PRPF38B: variants seen among roughly 807,000 people sequenced by gnomAD.
PRPF38B encodes pre-mRNA processing factor 38B, also known as pre-mRNA-splicing factor 38B.
Under a neutral mutation model 67.2 loss-of-function variants are expected in PRPF38B, and 18 were observed. The ratio of observed to expected loss-of-function variants is 0.27; its 90% CI spans 0.19 to 0.40. The LOEUF (loss-of-function observed/expected upper bound fraction) is 0.40. PRPF38B is among the 10% of genes least tolerant of loss of function. The probability of loss-of-function intolerance (pLI) is 1.00; values close to 1 mark genes in which losing one functional copy is unlikely to be tolerated. For synonymous variants in PRPF38B, 246 were observed against 234.2 expected (o/e 1.05, Z -0.46); for missense variants, 544 against 684.9 (o/e 0.79, Z 2.30).
In PRPF38B at chr1:108,695,707, G is replaced by C; in HGVS notation, c.282G>C (p.Thr94=). 6.2e-7 allele frequency: 1 copy of C among 1,613,820 alleles called. No individual in the cohort carries two copies. The highest frequency in any genetic ancestry group is 1.1e-5 in the South Asian group (1 of 91,066). ...EVVDEIYFKV[T]HVEPWEKGSR... is the part of the protein sequence containing the mutation. ...TTCCTCTTTTCTATTTTCAGGTCACGCACGTTGAACCATGGGAGAAAGGAA... is the reference window on the plus strand; with the variant it reads ...TTCCTCTTTTCTATTTTCAGGTCACCCACGTTGAACCATGGGAGAAAGGAA... The change falls in exon 2 of 6, where the codon ACG becomes ACC. Residue 94 remains threonine, a synonymous_variant. Transcript: ENST00000370025.
intron 1 of PRPF38B, chr1:108,693,716 G>C: frequency 1.1e-6 from 1 of 894,214 alleles, no homozygotes. Flanking sequence ...TTAGATTTTT[G>C]TGGGTTTTTT....
intron 1 of PRPF38B, 132 bp downstream of exon 1, chr1:108,692,999 G>C (rs952609970): frequency 8.5e-7 from 1 of 1,170,228 alleles, no homozygotes; most frequent in African/African-American, 1.6e-5. Flanking sequence ...GGGTGGCTGC[G>C]GCCTGTAGTG....
At chr1:108,695,850 A>G (rs544756593) in intron 2 of PRPF38B, 80 bp downstream of exon 2, 87 of 1,485,358 alleles carry the variant, frequency 5.9e-5, no homozygotes, top group South Asian at 3.0e-4. Context: ...AGGCCTGTCA[A>G]TTATACACTT....
At position 108,700,036 on chromosome 1, in the gene PRPF38B, G is replaced by A; in HGVS notation, c.*16G>A. 6.4e-7 allele frequency: 1 copy of A among 1,571,618 alleles called. No individual in the cohort carries two copies. On this transcript the variant is annotated 3_prime_UTR_variant, in exon 6 of 6. Transcript: ENST00000370025. ...GACTGTGTGAAAATATTTTGTAAAAGTGGATCACATTGAATCCTATAAATG... is the reference window on the plus strand; with the variant it reads ...GACTGTGTGAAAATATTTTGTAAAAATGGATCACATTGAATCCTATAAATG...
chr1:108,696,818 A>G, intron 4 of PRPF38B: 3 of 706,294 alleles, frequency 4.2e-6, no homozygotes, highest in South Asian at 3.1e-5. Context: ...TGGGTGTTAC[A>G]TAAATAGGCT....
intron 1 of PRPF38B, 48 bp downstream of exon 1, chr1:108,692,915 G>A (rs1659461325): frequency 1.3e-6 from 2 of 1,560,398 alleles, no homozygotes; most frequent in Non-Finnish European, 1.7e-6. Flanking sequence ...CGGAAGAGGG[G>A]GTATGGAGGA....
At chr1:108,692,982 G>C (rs1265720506) in intron 1 of PRPF38B, 115 bp downstream of exon 1, 2 of 1,339,742 alleles carry the variant, frequency 1.5e-6, no homozygotes, top group Admixed American at 2.5e-5. Context: ...AAGGTGGTTC[G>C]GCGGAGGGGT....
intron 4 of PRPF38B, 170 bp from the exon 5 acceptor site, chr1:108,698,434 C>G: frequency 1.7e-6 from 1 of 588,662 alleles, no homozygotes; most frequent in Admixed American, 3.2e-5. Flanking sequence ...CATGCACACA[C>G]TAAGCCCAAA....
rs201835355 is a variant in PRPF38B, at chr1:108,699,930, C to T, written c.1551C>T (p.Asp517=). The change falls in exon 6 of 6, where the codon GAC becomes GAT. Residue 517 remains aspartate, a synonymous_variant. Transcript: ENST00000370025. ...AACGAGATCACAGTGATAGTAAGGA[C>T]CAGTCAGACAAACATGATCGTCGAA... The part of the protein sequence containing the change: ...SHKRDHSDSK[D]QSDKHDRRRS... 4.1e-5 allele frequency: 66 copies of T among 1,613,856 alleles called. No homozygotes were observed. The highest frequency in any genetic ancestry group is 1.6e-4 in the Middle Eastern group (1 of 6,084).
Position 108,699,310 on chromosome 1 carries a change from A to G in PRPF38B, c.931A>G (p.Arg311Gly), listed in dbSNP as rs771875984. The G allele has an allele frequency of 1.9e-6, 3 of 1,614,182 alleles. No homozygotes were observed. Among genetic ancestry groups the G allele is most frequent in the Admixed American group, 3.3e-5 (2 of 60,018 alleles). Residue 311 changes from arginine (R) to glycine (G), a missense_variant, in exon 6 of 6, where the codon AGG becomes GGG. Arg to Gly is a moderately radical substitution (Grantham distance 125). Coordinates refer to ENST00000370025, the MANE Select transcript of PRPF38B (RefSeq NM_018061.4). ...RQRLEREAKE[R>G]EKERRRSRSI... ...GCGACTAGAGCGTGAAGCCAAAGAA[A>G]GGGAGAAAGAACGGCGAAGATCCCG... is the stretch of plus-strand genomic sequence containing the variant.
intron 4 of PRPF38B, 176 bp from the exon 5 acceptor site, chr1:108,698,428 C>T (rs1417313040): frequency 1.3e-5 from 7 of 554,156 alleles, no homozygotes; most frequent in Middle Eastern, 9.4e-4. Context: ...CACTTGCATG[C>T]ACACACTAAG....
At chr1:108,693,520 T>G in intron 1 of PRPF38B, 1 of 772,512 alleles carries the variant, frequency 1.3e-6, no homozygotes, top group South Asian at 5.9e-5. Flanking sequence ...GGTGCTGGCT[T>G]GGCTGTGCTG....
intron 2 of PRPF38B, 114 bp from the exon 3 acceptor site, chr1:108,695,929 A>G (rs1659822086): frequency 5.1e-6 from 7 of 1,376,404 alleles, no homozygotes; most frequent in Non-Finnish European, 7.0e-6. Context: ...TTACTTTTTA[A>G]TGCTCCTTAG....
At position 108,699,146 on chromosome 1, in the gene PRPF38B, C is replaced by T. The variant is rs780387758; in HGVS notation, c.783-16C>T. 42 of 1,569,912 alleles carry T rather than the reference C, an allele frequency of 2.7e-5. No individual in the cohort carries two copies. In the East Asian group the frequency reaches 6.3e-4, roughly 24 times the overall value. On this transcript the variant is annotated splice_polypyrimidine_tract_variant and intron_variant, in intron 5 of 5. Coordinates refer to ENST00000370025, the MANE Select transcript of PRPF38B (RefSeq NM_018061.4). ...TTTATTCATTGAAATTTTCTTTCTC[C>T]CTCCGCCTTCCTTAGGTCTCCAAGG...
At chr1:108,698,567 T>G in intron 4 of PRPF38B, 37 bp from the exon 5 acceptor site, 3 of 1,450,528 alleles carry the variant, frequency 2.1e-6, no homozygotes, top group Non-Finnish European at 2.9e-6. Flanking sequence ...TGGAAATACT[T>G]TTTTTGACGG....
At chr1:108,696,671 C>G in intron 4 of PRPF38B, 1 of 710,680 alleles carries the variant, frequency 1.4e-6, no homozygotes, top group Non-Finnish European at 2.6e-6. Flanking sequence ...TGCTCAAGAT[C>G]GAACAGATAA....
chr1:108,696,395 C>T, intron 4 of PRPF38B, 58 bp downstream of exon 4: 1 of 1,444,770 alleles, frequency 6.9e-7, no homozygotes, highest in East Asian at 2.3e-5. Flanking sequence ...TTTTTATTAT[C>T]TTTTATTTAT....
At chr1:108,696,798 A>G in intron 4 of PRPF38B, 3 of 714,618 alleles carry the variant, frequency 4.2e-6, no homozygotes, top group East Asian at 5.4e-5. Context: ...GAAGTGCAGA[A>G]TTGAAGAGTT....
chr1:108,694,831 TTGTTGTTGTTGC>T (rs1361008809), intron 1 of PRPF38B, among the ~76,000 whole-genome samples: 5 of 151,670 alleles, frequency 3.3e-5, no homozygotes, highest in South Asian at 4.1e-4. Flanking sequence ...TAATATTCTT[TTGTTGTTGTTGC>T]TGTTGTTGTT....
Sources: allele counts gnomAD v4.1 joint callset (sites outside exome capture counted in the v4.1 genomes callset), GRCh38; gene constraint gnomAD v4.1.1; transcripts MANE v1.5; gene names NCBI Gene and HGNC (gene_info 2026-07-23, HGNC 2026-07-21).